Variants in F13A1 observed in about 807,000 individuals in gnomAD.
F13A1 encodes the protein coagulation factor XIII A chain.
A neutral mutation model predicts 80.1 loss-of-function variants in F13A1; 47 were observed. That is an observed-to-expected ratio of 0.59 (90% CI 0.46 to 0.75). F13A1 has a LOEUF of 0.75. Ranked by LOEUF, F13A1 falls within the 30% of genes least tolerant of loss-of-function variation. The probability of loss-of-function intolerance (pLI) is 0.00; values close to 1 mark genes in which losing one functional copy is unlikely to be tolerated. For missense variants in F13A1, 817 were observed against 930.4 expected (o/e 0.88, Z 1.59); for synonymous variants, 349 against 344.9 (o/e 1.01, Z -0.13).
At chr6:6,188,066 G>C (rs1761113251) in intron 10 of F13A1, among the ~76,000 whole-genome samples, 1 of 151,904 alleles carries the variant, frequency 6.6e-6, no homozygotes, top group African/African-American at 2.4e-5. Flanking sequence ...GATCGGTGGT[G>C]ATATCCCCTT....
Position 6,268,095 on chromosome 6 carries a change from G to T in F13A1, c.320-1286C>A, listed in dbSNP as rs114145524. Among the ~76,000 whole-genome samples the T allele has an allele frequency of 7.0e-3, 1,059 of 152,320 alleles. 11 individuals are homozygous for T. The highest frequency in any genetic ancestry group is 0.024 in the African/African-American group (991 of 41,562). ...CTTTTTCATGCTGACTTTGAATCCA[G>T]TCATAACCTAATTTAAAGACTACTT... On this transcript the variant is annotated intron_variant, in intron 3 of 14. Transcript: ENST00000264870.
At chr6:6,213,384 TAAA>T (rs1402586098) in intron 8 of F13A1, among the ~76,000 whole-genome samples, 3 of 152,066 alleles carry the variant, frequency 2.0e-5, no homozygotes, top group African/African-American at 7.2e-5. Flanking sequence ...TCAACATTCT[TAAA>T]GAAAGAATTT....
At chr6:6,220,759 G>A (rs1006523269) in intron 8 of F13A1, among the ~76,000 whole-genome samples, 18 of 152,088 alleles carry the variant, frequency 1.2e-4, no homozygotes, top group African/African-American at 4.3e-4. Context: ...TTAAATTTCT[G>A]TTCAATTTAC....
At chr6:6,226,676 G>A (rs528920198) in intron 6 of F13A1, among the ~76,000 whole-genome samples, 12 of 152,230 alleles carry the variant, frequency 7.9e-5, no homozygotes, top group East Asian at 3.9e-4. Context: ...AAAAATCTCC[G>A]TCTTTCTGAG....
At chr6:6,168,942 A>G (rs530758533) in intron 12 of F13A1, among the ~76,000 whole-genome samples, 89 of 152,318 alleles carry the variant, frequency 5.8e-4, no homozygotes, top group African/African-American at 2.0e-3. Flanking sequence ...AGAGGCTGGG[A>G]AAGCCTCTGT....
chr6:6,305,365 A>G lies in F13A1; in HGVS notation c.305T>C (p.Val102Ala). Residue 102 changes from valine to alanine, a missense_variant, in exon 3 of 15, where the codon GTG becomes GCG. Coordinates refer to ENST00000264870, the MANE Select transcript of F13A1 (RefSeq NM_000129.4). ...ATGGCACTCACCAATGACGTATTCC[A>G]CCCTGAAGAGATCCCTTCTGGGGTC... ...PYDPRRDLFR[V>A]EYVIGRYPQE... 1 of 1,614,150 alleles carries G rather than the reference A, an allele frequency of 6.2e-7. No homozygotes were observed. The highest frequency in any genetic ancestry group is 1.3e-5 in the African/African-American group (1 of 75,024).
chr6:6,295,420 T>C (rs1758307994), intron 3 of F13A1, among the ~76,000 whole-genome samples: 1 of 148,038 alleles, frequency 6.8e-6, no homozygotes, highest in South Asian at 2.1e-4. Flanking sequence ...TTTCCTGACT[T>C]TTTAATGATT....
At chr6:6,314,744 A>G (rs1419316826) in intron 2 of F13A1, among the ~76,000 whole-genome samples, 2 of 152,198 alleles carry the variant, frequency 1.3e-5, no homozygotes, top group Admixed American at 1.3e-4. Flanking sequence ...ACTCAACTTC[A>G]TGTCCCAAGG....
At chr6:6,198,372 A>G (rs1761329115) in intron 8 of F13A1, among the ~76,000 whole-genome samples, 1 of 152,212 alleles carries the variant, frequency 6.6e-6, no homozygotes, top group Non-Finnish European at 1.5e-5. Context: ...ACCCCTCAGC[A>G]CTATAGAAAA....
At chr6:6,175,601 A>T (rs2151075364) in intron 11 of F13A1, among the ~76,000 whole-genome samples, 1 of 152,298 alleles carries the variant, frequency 6.6e-6, no homozygotes. Context: ...CCTCCTGGAG[A>T]TGTTCTCCAC....
chr6:6,308,461 TAAA>T (rs35426137), intron 2 of F13A1, among the ~76,000 whole-genome samples: 1 of 143,712 alleles, frequency 7.0e-6, no homozygotes, highest in Non-Finnish European at 1.5e-5. Context: ...GGTTTTTCTG[TAAA>T]AAAAAAAAAA....
chr6:6,217,415 A>C (rs36074214), intron 8 of F13A1, among the ~76,000 whole-genome samples: 1 of 151,300 alleles, frequency 6.6e-6, no homozygotes. Flanking sequence ...ATTCTCAGTA[A>C]ACTATCACAA....
chr6:6,300,148 T>C (rs1433005612), intron 3 of F13A1, among the ~76,000 whole-genome samples: 2 of 137,586 alleles, frequency 1.5e-5, no homozygotes, highest in Non-Finnish European at 1.5e-5. Context: ...ACTGCTCTCT[T>C]CAAAGCTGTC....
chr6:6,270,460 T>C (rs1192320634), intron 3 of F13A1, among the ~76,000 whole-genome samples: 1 of 152,254 alleles, frequency 6.6e-6, no homozygotes, highest in Non-Finnish European at 1.5e-5. Flanking sequence ...ATGGCTAAAA[T>C]ATTCAATTTT....
Position 6,204,605 on chromosome 6 carries a change from T to TG in F13A1, c.1113-7280dup, listed in dbSNP as rs112757984. Among the ~76,000 whole-genome samples, 983 of 152,088 alleles carry TG rather than the reference T, an allele frequency of 6.5e-3. 14 individuals carry two copies. Among genetic ancestry groups the TG allele is most frequent in the African/African-American group, 0.022 (905 of 41,482 alleles). ...CATTTCAGGGGCAGTGGGGATAGGA[T>TG]GGGGTGGGAGTTGTTGGAAAGAAGT... On this transcript the variant is annotated intron_variant, in intron 8 of 14. Coordinates refer to ENST00000264870, the MANE Select transcript of F13A1 (RefSeq NM_000129.4).
In F13A1 at chr6:6,318,597, G is replaced by C; in HGVS notation, c.68C>G (p.Ala23Gly). The C allele has an allele frequency of 6.2e-7, 1 of 1,613,628 alleles. No homozygotes were observed. The highest frequency in any genetic ancestry group is 8.5e-7 in the Non-Finnish European group (1 of 1,179,958). The change falls in exon 2 of 15, where the codon GCG (alanine) becomes GGG (glycine). Residue 23 changes from alanine (A) to glycine (G), a missense_variant. Ala to Gly is a moderately conservative substitution (Grantham distance 60). Coordinates refer to ENST00000264870, the MANE Select transcript of F13A1 (RefSeq NM_000129.4). Reference sequence around the variant, plus strand: ...CTCCACTGTGGGCAGGTCATCTTCCGCTGCATTAGAGTTATTGGGTGGAAC... The same window carrying C: ...CTCCACTGTGGGCAGGTCATCTTCCCCTGCATTAGAGTTATTGGGTGGAAC... ...RAVPPNNSNAAEDDLPTVELQ... is the reference protein window; with the variant it reads ...RAVPPNNSNAGEDDLPTVELQ...
intron 14 of F13A1, among the ~76,000 whole-genome samples, chr6:6,148,818 C>T (rs1465440186): frequency 6.6e-6 from 1 of 152,126 alleles, no homozygotes; most frequent in African/African-American, 2.4e-5. Flanking sequence ...CTTCTCTTGT[C>T]TGGGAGATAT....
chr6:6,154,605 A>T (rs1339818587), intron 13 of F13A1, among the ~76,000 whole-genome samples: 1 of 152,246 alleles, frequency 6.6e-6, no homozygotes, highest in Non-Finnish European at 1.5e-5. Context: ...GTTGGAAACC[A>T]CTGGTATAGA....
At chr6:6,156,827 G>A (rs1274708249) in intron 13 of F13A1, among the ~76,000 whole-genome samples, 3 of 152,136 alleles carry the variant, frequency 2.0e-5, no homozygotes, top group Admixed American at 6.5e-5. Context: ...TCAGTTGCAC[G>A]AGCCATCTTT....
Sources: gnomAD v4.1 joint callset for allele counts (sites outside exome capture counted in the v4.1 genomes callset) on GRCh38, gnomAD v4.1.1 for gene constraint, MANE v1.5 for transcripts, NCBI Gene and HGNC (gene_info 2026-07-23, HGNC 2026-07-21) for gene names.